The following IQCH variants were observed in gnomAD, a reference collection of about 807,000 sequenced individuals.
The protein encoded by IQCH is IQ motif containing H.
In IQCH, 98 loss-of-function variants were observed where a neutral mutation model predicts 117.0. The observed-to-expected ratio is 0.84, with a 90% CI of 0.71 to 0.99. IQCH has a LOEUF of 0.99. IQCH is among the 50% of genes least tolerant of loss of function. IQCH has a pLI of 0.00. For synonymous variants in IQCH, 412 were observed against 448.2 expected, an observed-to-expected ratio of 0.92 and a Z score of 1.02; for missense variants, 1,102 against 1,243.8, an observed-to-expected ratio of 0.89 and a Z score of 1.72.
chr15:67,418,647 C>T (rs1413179009), intron 15 of IQCH, among the ~76,000 whole-genome samples: 4 of 144,722 alleles, frequency 2.8e-5, no homozygotes, highest in East Asian at 4.0e-4. Context: ...GGTGCGATCT[C>T]GGCTCACTGC....
At chr15:67,486,523 G>T (rs1208500014) in intron 18 of IQCH, among the ~76,000 whole-genome samples, 1 of 152,042 alleles carries the variant, frequency 6.6e-6, no homozygotes, top group Admixed American at 6.5e-5. Context: ...GTTGATGCCC[G>T]ATCATTACTA....
intron 4 of IQCH, among the ~76,000 whole-genome samples, chr15:67,304,027 T>G (rs1218722420): frequency 6.6e-6 from 1 of 152,126 alleles, no homozygotes; most frequent in Non-Finnish European, 1.5e-5. Context: ...AAAAAGAAAT[T>G]AAGACCAGGT....
rs973600347 is a variant in IQCH, at chr15:67,433,291, A to G, written c.2505+11714A>G. Among the ~76,000 whole-genome samples the G allele has an allele frequency of 1.4e-4, 21 of 152,254 alleles. No homozygotes were observed. Among genetic ancestry groups the G allele is most frequent in the African/African-American group, 5.1e-4 (21 of 41,476 alleles). On this transcript the variant is annotated intron_variant, in intron 16 of 20. Coordinates refer to ENST00000335894, the MANE Select transcript of IQCH (RefSeq NM_001031715.3). The surrounding 1 kb of genome is among the most constrained non-coding windows in gnomAD (Gnocchi z 5.4). ...GACTTCTACAATAAGCACATGGGCA[A>G]TGATGACAAATTTTTCCAGTGAAAA...
chr15:67,418,512 A>ACC (rs1459945531), intron 15 of IQCH, among the ~76,000 whole-genome samples: 1 of 22,154 alleles, frequency 4.5e-5, no homozygotes, highest in Non-Finnish European at 9.6e-5. Flanking sequence ...TCAAGTGGCT[A>ACC]CCACACACAC....
rs552070701 is a variant in IQCH at position 67,484,817 on chromosome 15, G to A, written c.2800-5186G>A. On this transcript the variant is annotated intron_variant, in intron 18 of 20. Transcript: ENST00000335894. ...TGAGCTGTCAGTACTCTACTGGTCTGCCAAAAACAAAAATTTAACCCTCTT... is the reference window on the plus strand; with the variant it reads ...TGAGCTGTCAGTACTCTACTGGTCTACCAAAAACAAAAATTTAACCCTCTT... Among the ~76,000 whole-genome samples, 68 of 152,008 alleles carry A rather than the reference G, an allele frequency of 4.5e-4. No individual in the cohort carries two copies. In the South Asian group the frequency reaches 6.6e-3, roughly 15 times the overall value.
intron 16 of IQCH, among the ~76,000 whole-genome samples, chr15:67,446,154 T>C (rs915371736): frequency 6.6e-6 from 1 of 152,236 alleles, no homozygotes; most frequent in African/African-American, 2.4e-5. Flanking sequence ...GAATATGTTA[T>C]CCCAGATTTT....
chr15:67,421,407 G>A lies in IQCH; in HGVS notation c.2335G>A (p.Glu779Lys), dbSNP rs1472442664. 2 of 1,614,174 alleles carry A rather than the reference G, an allele frequency of 1.2e-6. No individual in the cohort carries two copies. The highest frequency in any genetic ancestry group is 1.3e-5 in the African/African-American group (1 of 75,048). ...VLSTGDQLHA[E>K]SPFISSGTTV... is the part of the protein sequence containing the mutation. ...GTCGACAGGGGACCAGCTTCATGCT[G>A]AAAGCCCCTTCATCTCCTCTGGTAC... The change falls in exon 16 of 21, where the codon GAA becomes AAA. Residue 779 changes from glutamate to lysine, a missense_variant. Glu to Lys is a moderately conservative substitution (Grantham distance 56). Coordinates refer to ENST00000335894, the MANE Select transcript of IQCH (RefSeq NM_001031715.3).
chr15:67,398,560 C>T (rs1407308179), intron 13 of IQCH, among the ~76,000 whole-genome samples: 9 of 152,060 alleles, frequency 5.9e-5, no homozygotes, highest in Admixed American at 5.9e-4. Context: ...CAAGTATGGC[C>T]ATTTTGCTGT....
chr15:67,312,586 A>G (rs2140565429), intron 4 of IQCH, among the ~76,000 whole-genome samples: 1 of 152,314 alleles, frequency 6.6e-6, no homozygotes, highest in East Asian at 1.9e-4. Flanking sequence ...CCAGATTTTT[A>G]TAAGAATTAC....
rs541102010 is a variant in IQCH at position 67,425,719 on chromosome 15, A to C, written c.2505+4142A>C. Among the ~76,000 whole-genome samples the C allele has an allele frequency of 7.6e-4, 116 of 152,332 alleles. No homozygotes were observed. Among genetic ancestry groups the C allele is most frequent in the Admixed American group, 3.3e-3 (50 of 15,310 alleles). On this transcript the variant is annotated intron_variant, in intron 16 of 20. Coordinates refer to ENST00000335894, the MANE Select transcript of IQCH (RefSeq NM_001031715.3). This position sits in a 1 kb window ranked among gnomAD's most constrained non-coding sequence, Gnocchi z 5.5. ...ATTGCTTATCAAATTCCACCCAGAAAACTTAGCATCCATTGGCAACTTTTT... is the reference window on the plus strand; with the variant it reads ...ATTGCTTATCAAATTCCACCCAGAACACTTAGCATCCATTGGCAACTTTTT...
At chr15:67,358,202 C>CTTTTTTTTTTTTTT (rs1555462676) in intron 7 of IQCH, among the ~76,000 whole-genome samples, 2 of 5,976 alleles carry the variant, frequency 3.3e-4, no homozygotes, top group African/African-American at 5.5e-4. Flanking sequence ...GAGGCACTTT[C>CTTTTTTTTTTTTTT]TTTTCTTTTT....
intron 6 of IQCH, among the ~76,000 whole-genome samples, chr15:67,344,476 G>A (rs11637008): frequency 1 from 151,942 of 152,252 alleles, 75,817 homozygotes; most frequent in Middle Eastern, 1. Context: ...GTGAAAAAAA[G>A]ATGATGTGGA....
rs763643004 is a variant in IQCH at position 67,281,594 on chromosome 15, G to A, written c.387+2082G>A. ...AGATGGCAAATGTTTCTTTTCAGTC[G>A]TTTAAAGGTATCAGACTCAATCTCT... On this transcript the variant is annotated intron_variant, in intron 4 of 20. Coordinates refer to ENST00000335894, the MANE Select transcript of IQCH (RefSeq NM_001031715.3). 5.7e-5 allele frequency: 24 copies of A among 421,326 alleles called. No individual in the cohort carries two copies. In the East Asian group the frequency reaches 1.0e-3, roughly 18 times the overall value. The allele number at this position is 421,326 out of a possible 1,614,324, so 26.1% of individuals were successfully genotyped here.
chr15:67,427,501 C>CCTGGCCTTGGATTA lies in IQCH; in HGVS notation c.2505+5925_2505+5926insTGGCCTTGGATTAC, dbSNP rs2081921236. ...AAAGTGCTTGGATTACAGGTGTGAA[C>CCTGGCCTTGGATTA]CACTGTGCCTGGCCTCCAGCTCTTC... On this transcript the variant is annotated intron_variant, in intron 16 of 20. Coordinates refer to ENST00000335894, the MANE Select transcript of IQCH (RefSeq NM_001031715.3). This position sits in a 1 kb window ranked among gnomAD's most constrained non-coding sequence, Gnocchi z 4.7. 6.6e-6 allele frequency among the ~76,000 whole-genome samples: 1 copy of CCTGGCCTTGGATTA among 152,142 alleles called. No homozygotes were observed. The highest frequency in any genetic ancestry group is 1.9e-4 in the East Asian group (1 of 5,148).
In IQCH at chr15:67,476,796, T is replaced by C. The variant is rs1321930012; in HGVS notation, c.2799+978T>C. 1.3e-5 allele frequency among the ~76,000 whole-genome samples: 2 copies of C among 152,150 alleles called. No homozygotes were observed. Among genetic ancestry groups the C allele is most frequent in the Non-Finnish European group, 2.9e-5 (2 of 68,012 alleles). ...CACACGCAGGGCCATTCTAAGACCC[T>C]GAGTAACCCTGTACACTCTTACTTA... On this transcript the variant is annotated intron_variant, in intron 18 of 20. Transcript: ENST00000335894. This position sits in a 1 kb window ranked among gnomAD's most constrained non-coding sequence, Gnocchi z 4.1.
intron 19 of IQCH, among the ~76,000 whole-genome samples, chr15:67,492,929 C>G (rs1567234455): frequency 6.6e-6 from 1 of 152,148 alleles, no homozygotes; most frequent in Non-Finnish European, 1.5e-5. Context: ...GATGCTGAAG[C>G]CTACAGAATT....
At chr15:67,361,776 C>T (rs533737953) in intron 8 of IQCH, among the ~76,000 whole-genome samples, 12 of 152,032 alleles carry the variant, frequency 7.9e-5, no homozygotes, top group East Asian at 3.9e-4. Flanking sequence ...GCACAGGATC[C>T]GAAGAATAAA....
At chr15:67,323,587 T>G (rs1018801832) in intron 4 of IQCH, among the ~76,000 whole-genome samples, 1 of 152,138 alleles carries the variant, frequency 6.6e-6, no homozygotes, top group Non-Finnish European at 1.5e-5. Flanking sequence ...ATTTTAAATC[T>G]TTTATGGCTT....
intron 16 of IQCH, among the ~76,000 whole-genome samples, chr15:67,428,603 C>A (rs1332196373): frequency 6.6e-6 from 1 of 152,114 alleles, no homozygotes; most frequent in African/African-American, 2.4e-5. Context: ...GTAATCCCAA[C>A]ACTTTGGGAG....
Sources: allele counts gnomAD v4.1 joint callset (sites outside exome capture counted in the v4.1 genomes callset), GRCh38; gene constraint gnomAD v4.1.1; non-coding constraint Gnocchi (gnomAD v3.1); transcripts MANE v1.5; gene names NCBI Gene and HGNC (gene_info 2026-07-23, HGNC 2026-07-21).